EDEM1: variants seen among roughly 807,000 people sequenced by gnomAD.
EDEM1 encodes ER degradation-enhancing alpha-mannosidase-like protein 1.
In EDEM1, 67 loss-of-function variants were observed where a neutral mutation model predicts 74.4. That is an observed-to-expected ratio of 0.90 (90% confidence interval 0.74 to 1.10). The LOEUF (loss-of-function observed/expected upper bound fraction) is 1.10. EDEM1 is among the 50% of genes least tolerant of loss of function. The pLI is 0.00. For synonymous variants in EDEM1, 382 were observed against 335.9 expected, an observed-to-expected ratio of 1.14 and a Z score of -1.50; for missense variants, 926 against 851.6, an observed-to-expected ratio of 1.09 and a Z score of -1.09.
In EDEM1 at chr3:5,188,189, C is replaced by T. The variant is rs1241995056; in HGVS notation, c.384C>T (p.Ala128=). The change falls in exon 1 of 12, where the codon GCC becomes GCT. Residue 128 remains alanine, a synonymous_variant. Transcript: ENST00000256497. The part of the protein sequence containing the change: ...YSGAFPPQLR[A]QMRDLARGMF... The stretch of plus-strand genomic sequence containing the variant: ...GCGCCTTCCCTCCGCAGCTGCGTGC[C>T]CAGATGCGCGACCTGGCACGGGGCA... 2 of 1,573,888 alleles carry T rather than the reference C, an allele frequency of 1.3e-6. No individual in the cohort carries two copies. Among genetic ancestry groups the T allele is most frequent in the Non-Finnish European group, 1.7e-6 (2 of 1,162,030 alleles).
At chr3:5,204,161 G>T (rs995130829) in intron 5 of EDEM1, among the ~76,000 whole-genome samples, 12 of 152,172 alleles carry the variant, frequency 7.9e-5, no homozygotes, top group African/African-American at 2.9e-4. Context: ...TAGTTGACCA[G>T]TGTCACTCCC....
intron 1 of EDEM1, among the ~76,000 whole-genome samples, chr3:5,188,763 C>G (rs343423): frequency 0.78 from 118,044 of 152,090 alleles, 46,792 homozygotes; most frequent in East Asian, 0.94. Context: ...ACCTCTATCA[C>G]ATTGCCACAC....
intron 3 of EDEM1, among the ~76,000 whole-genome samples, 174 bp from the exon 4 acceptor site, chr3:5,201,579 A>G (rs1228599543): frequency 2.0e-5 from 3 of 152,210 alleles, no homozygotes; most frequent in Non-Finnish European, 4.4e-5. Flanking sequence ...ACAAAAATCA[A>G]TCGTGTATTC....
chr3:5,202,232 A>G (rs2055043001), intron 4 of EDEM1, among the ~76,000 whole-genome samples: 1 of 152,250 alleles, frequency 6.6e-6, no homozygotes, highest in South Asian at 2.1e-4. Flanking sequence ...ATTCTCTGCT[A>G]CAAAGCAGTG....
intron 7 of EDEM1, among the ~76,000 whole-genome samples, 177 bp downstream of exon 7, chr3:5,207,450 G>A (rs1261518595): frequency 6.6e-6 from 1 of 152,174 alleles, no homozygotes; most frequent in Non-Finnish European, 1.5e-5. Context: ...ATTGAACAGA[G>A]CCATTCCACA....
chr3:5,192,454 C>T (rs1269310746), intron 1 of EDEM1, among the ~76,000 whole-genome samples: 1 of 152,178 alleles, frequency 6.6e-6, no homozygotes, highest in Non-Finnish European at 1.5e-5. Context: ...TGGTTTTCTC[C>T]ATCTTTTCTG....
chr3:5,190,722 G>A (rs548835857), intron 1 of EDEM1, among the ~76,000 whole-genome samples: 2 of 152,208 alleles, frequency 1.3e-5, no homozygotes, highest in African/African-American at 4.8e-5. Flanking sequence ...AGCTGGGTAG[G>A]CCCGTTGGTT....
rs1252870784 is a variant in EDEM1, at chr3:5,187,742, G to C, written c.-64G>C. On this transcript the variant is annotated 5_prime_UTR_variant, in exon 1 of 12. Coordinates refer to ENST00000256497, the MANE Select transcript of EDEM1 (RefSeq NM_014674.3). ...CGAGCCGGGCTACGGGGCGAGCGCGGGGTGCGGTGGTCGGCGGGGAGGCCC... is the reference window on the plus strand; with the variant it reads ...CGAGCCGGGCTACGGGGCGAGCGCGCGGTGCGGTGGTCGGCGGGGAGGCCC... 2 of 1,444,644 alleles carry C rather than the reference G, an allele frequency of 1.4e-6. No homozygotes were observed. The highest frequency in any genetic ancestry group is 1.8e-6 in the Non-Finnish European group (2 of 1,099,344). The allele number at this position is 1,444,644 out of a possible 1,614,324, so 89.5% of individuals were successfully genotyped here.
chr3:5,195,107 A>G (rs2054948559), intron 1 of EDEM1, 102 bp from the exon 2 acceptor site: 1 of 580,970 alleles, frequency 1.7e-6, no homozygotes, highest in East Asian at 3.3e-5. Context: ...TTCCTGAATA[A>G]ATAAGAGTTG....
At chr3:5,214,006 T>G (rs1467641816) in intron 11 of EDEM1, among the ~76,000 whole-genome samples, 1 of 152,170 alleles carries the variant, frequency 6.6e-6, no homozygotes, top group Admixed American at 6.5e-5. Flanking sequence ...CAAAATCATT[T>G]ACCAGCAGCA....
At chr3:5,195,107 A>T in intron 1 of EDEM1, 102 bp from the exon 2 acceptor site, 1 of 580,970 alleles carries the variant, frequency 1.7e-6, no homozygotes, top group Non-Finnish European at 2.8e-6. Flanking sequence ...TTCCTGAATA[A>T]ATAAGAGTTG....
At chr3:5,206,803 A>G (rs566363199) in intron 6 of EDEM1, among the ~76,000 whole-genome samples, 7 of 152,336 alleles carry the variant, frequency 4.6e-5, no homozygotes, top group African/African-American at 1.4e-4. Context: ...AAAAGAACCA[A>G]GCTTTTCTGC....
chr3:5,208,052 G>A lies in EDEM1; in HGVS notation c.1339-41G>A, dbSNP rs191056239. ...CTTTGTGCCATGTCTTGTCACTCTA[G>A]GAATGGTATCTCAGCCTGATGACCT... is the stretch of plus-strand genomic sequence containing the variant. On this transcript the variant is annotated intron_variant, in intron 7 of 11. Coordinates refer to ENST00000256497, the MANE Select transcript of EDEM1 (RefSeq NM_014674.3). 184 of 1,548,688 alleles carry A rather than the reference G, an allele frequency of 1.2e-4. No individual in the cohort carries two copies. The East Asian group carries it at 3.7e-3, about 31-fold the overall frequency.
intron 10 of EDEM1, among the ~76,000 whole-genome samples, chr3:5,211,653 A>AGTGTGT (rs34661098): frequency 2.2e-3 from 325 of 146,964 alleles, no homozygotes; most frequent in African/African-American, 7.3e-3. Flanking sequence ...TGAGTGAGTG[A>AGTGTGT]GTGTGTGTGT....
At chr3:5,202,013 G>T in intron 4 of EDEM1, 89 bp downstream of exon 4, 1 of 1,452,036 alleles carries the variant, frequency 6.9e-7, no homozygotes. Flanking sequence ...TTGGGAGAAG[G>T]AATGGGATGG....
At position 5,192,828 on chromosome 3, in the gene EDEM1, T is replaced by G. The variant is rs375422983; in HGVS notation, c.510-2381T>G. 3.0e-4 allele frequency among the ~76,000 whole-genome samples: 46 copies of G among 152,210 alleles called. No individual in the cohort carries two copies. In the South Asian group the frequency reaches 8.9e-3, roughly 29 times the overall value. On this transcript the variant is annotated intron_variant, in intron 1 of 11. Transcript: ENST00000256497. ...GTAGCAATTATTTGGTAAGAAAGAA[T>G]TAAAAGTGTTCTAATGAGTAAATAC...
intron 6 of EDEM1, among the ~76,000 whole-genome samples, chr3:5,206,359 C>T (rs1294825538): frequency 6.6e-6 from 1 of 152,082 alleles, no homozygotes; most frequent in Non-Finnish European, 1.5e-5. Context: ...AGCCGTGCAC[C>T]ACCTTGCCTG....
At chr3:5,207,852 G>A (rs1398639623) in intron 7 of EDEM1, among the ~76,000 whole-genome samples, 1 of 152,182 alleles carries the variant, frequency 6.6e-6, no homozygotes, top group Non-Finnish European at 1.5e-5. Flanking sequence ...TTTATTCCTT[G>A]TTCATGAGTA....
At position 5,213,457 on chromosome 3, in the gene EDEM1, C is replaced by G; in HGVS notation, c.1819C>G (p.Gln607Glu). The change falls in exon 11 of 12, where the codon CAA becomes GAA. Residue 607 changes from glutamine to glutamate, a missense_variant. By Grantham distance (29) the Gln-to-Glu change is conservative. Coordinates refer to ENST00000256497, the MANE Select transcript of EDEM1 (RefSeq NM_014674.3). ...CTTCTCTGAAGAGGGAGGGCAGGAC[C>G]AAGGGGGAAAGTCTGTGCACAGGCC... is the stretch of plus-strand genomic sequence containing the variant. ...EFFSEEGGQD[Q>E]GGKSVHRPKP... The G allele has an allele frequency of 6.2e-7, 1 of 1,614,094 alleles. No individual in the cohort carries two copies. The highest frequency in any genetic ancestry group is 1.1e-5 in the South Asian group (1 of 91,064).
Sources: allele counts gnomAD v4.1 joint callset (sites outside exome capture counted in the v4.1 genomes callset), GRCh38; gene constraint gnomAD v4.1.1; transcripts MANE v1.5; gene names NCBI Gene and HGNC (gene_info 2026-07-23, HGNC 2026-07-21).